FAAH2: variants seen among roughly 807,000 people sequenced by gnomAD.
FAAH2 encodes fatty acid amide hydrolase 2, also known as fatty-acid amide hydrolase 2.
A neutral mutation model predicts 36.9 loss-of-function variants in FAAH2; 60 were observed. The observed-to-expected ratio is 1.63, with a 90% CI of 1.32 to 2.02. FAAH2 has a LOEUF of 2.02. Ranked by LOEUF, FAAH2 falls within the 30% of genes most tolerant of loss-of-function variation. The pLI is 0.00. For synonymous variants in FAAH2, 214 were observed against 143.8 expected (o/e 1.49, Z -3.49); for missense variants, 689 against 397.5 (o/e 1.73, Z -6.23).
intron 1 of FAAH2, among the ~76,000 whole-genome samples, chrX:57,288,591 C>A (rs774967588): frequency 3.7e-5 from 4 of 109,253 alleles, no homozygotes; most frequent in Non-Finnish European, 7.6e-5. Context: ...ACCTCGTGAT[C>A]CACCCACCTC....
the FAAH2 span, among the ~76,000 whole-genome samples, chrX:57,164,669 T>A: frequency 1.8e-5 from 2 of 112,230 alleles, no homozygotes; most frequent in Admixed American, 1.9e-4. Flanking sequence ...AATAAACAAG[T>A]TTGAAAGAGG....
At chrX:57,368,815 A>G (rs751183248) in intron 5 of FAAH2, among the ~76,000 whole-genome samples, 1 of 111,265 alleles carries the variant, frequency 9.0e-6, no homozygotes, top group African/African-American at 3.3e-5. Context: ...GACACATGAA[A>G]AGTCAAGGAA....
chrX:57,353,789 A>G lies in FAAH2; in HGVS notation c.742+12399A>G, dbSNP rs745549930. Reference sequence around the variant, plus strand: ...CATTTCATTCACAACTGGGCAAAGGACATAAACAGACATTTTTCAAATAAA... The same window carrying G: ...CATTTCATTCACAACTGGGCAAAGGGCATAAACAGACATTTTTCAAATAAA... On this transcript the variant is annotated intron_variant, in intron 5 of 10. Coordinates refer to ENST00000374900, the MANE Select transcript of FAAH2 (RefSeq NM_174912.4). Among the ~76,000 whole-genome samples the G allele has an allele frequency of 3.2e-3, 298 of 92,354 alleles. 2 individuals carry two copies. The highest frequency in any genetic ancestry group is 4.9e-3 in the Non-Finnish European group (231 of 46,929). The allele number at this position is 92,354 out of a possible 115,157, so 80.2% of individuals were successfully genotyped here. A position where few individuals can be genotyped will look rare whatever the true frequency, so the allele number is the denominator to read the frequency against.
At chrX:57,475,631 C>T (rs965674134) in intron 10 of FAAH2, among the ~76,000 whole-genome samples, 1 of 111,764 alleles carries the variant, frequency 8.9e-6, no homozygotes, top group Non-Finnish European at 1.9e-5. Flanking sequence ...TAGCATGATT[C>T]CTCCAGCTTT....
intron 7 of FAAH2, among the ~76,000 whole-genome samples, chrX:57,412,379 C>A (rs879045284): frequency 9.0e-6 from 1 of 111,061 alleles, no homozygotes; most frequent in African/African-American, 3.3e-5. Flanking sequence ...CCTAGCACCC[C>A]ACCCTATGAC....
intron 10 of FAAH2, among the ~76,000 whole-genome samples, chrX:57,470,528 C>G (rs141388718): frequency 1.5e-3 from 167 of 111,143 alleles, no homozygotes; most frequent in African/African-American, 4.6e-3. Flanking sequence ...GACACATACA[C>G]CCCCTAAGAC....
At chrX:57,382,558 A>G (rs2054882469) in intron 7 of FAAH2, among the ~76,000 whole-genome samples, 1 of 112,109 alleles carries the variant, frequency 8.9e-6, no homozygotes, top group African/African-American at 3.2e-5. Flanking sequence ...CTCTATGCAA[A>G]TAAACTAGAA....
intron 7 of FAAH2, among the ~76,000 whole-genome samples, chrX:57,383,039 C>T (rs769592984): frequency 1.9e-4 from 21 of 111,557 alleles, no homozygotes; most frequent in East Asian, 1.1e-3. Context: ...AATCAATAAA[C>T]GTAATCCAGC....
the FAAH2 span, among the ~76,000 whole-genome samples, chrX:57,124,265 T>A: frequency 8.9e-6 from 1 of 111,970 alleles, no homozygotes; most frequent in Non-Finnish European, 1.9e-5. Flanking sequence ...TAGGGAATCC[T>A]TTCCCCATTT....
At chrX:57,149,625 G>A in the FAAH2 span, among the ~76,000 whole-genome samples, 6 of 110,868 alleles carry the variant, frequency 5.4e-5, no homozygotes, top group East Asian at 2.8e-4. Flanking sequence ...ATTTTTTATT[G>A]CATCTATTTG....
chrX:57,262,343 A>G, the FAAH2 span, among the ~76,000 whole-genome samples: 18 of 111,873 alleles, frequency 1.6e-4, no homozygotes, highest in African/African-American at 5.8e-4. Flanking sequence ...CTCTGCAAAG[A>G]TAGGGAAGAT....
At chrX:57,359,643 G>A (rs931900890) in intron 5 of FAAH2, among the ~76,000 whole-genome samples, 1 of 111,628 alleles carries the variant, frequency 9.0e-6, no homozygotes, top group Admixed American at 9.5e-5. Context: ...TGTGCATCTG[G>A]TATCATAGAT....
At chrX:57,269,358 C>T in the FAAH2 span, among the ~76,000 whole-genome samples, 5 of 111,224 alleles carry the variant, frequency 4.5e-5, no homozygotes, top group Non-Finnish European at 9.4e-5. Context: ...CTGAACTCAG[C>T]ACTGGACAAT....
the FAAH2 span, among the ~76,000 whole-genome samples, chrX:57,149,330 T>A: frequency 8.9e-6 from 1 of 111,825 alleles, no homozygotes; most frequent in African/African-American, 3.3e-5. Flanking sequence ...TCAGAAGGAA[T>A]GGTACCAGCT....
At chrX:57,385,276 T>TA (rs2054987180) in intron 7 of FAAH2, among the ~76,000 whole-genome samples, 1 of 22,141 alleles carries the variant, frequency 4.5e-5, no homozygotes, top group African/African-American at 7.6e-5. Flanking sequence ...ACTTAAAGTA[T>TA]AATAAAAAAA....
intron 7 of FAAH2, chrX:57,395,241 C>CA: frequency 1.6e-6 from 1 of 623,869 alleles, no homozygotes; most frequent in Non-Finnish European, 2.7e-6. Flanking sequence ...CAGCAGCCTT[C>CA]AGCTTCACAT....
At chrX:57,236,143 G>A in the FAAH2 span, among the ~76,000 whole-genome samples, 27 of 111,776 alleles carry the variant, frequency 2.4e-4, no homozygotes, top group Non-Finnish European at 4.5e-4. Context: ...GTGTCCTTTA[G>A]GTTGATCCCT....
In FAAH2 at chrX:57,380,992, C is replaced by T. The variant is rs778338997; in HGVS notation, c.959C>T (p.Ser320Phe). 5.0e-6 allele frequency: 6 copies of T among 1,188,567 alleles called. No individual in the cohort carries two copies. In the Admixed American group the frequency reaches 1.4e-4, roughly 27 times the overall value. ...MEHDGGSFLMSKVDQDLIMTQ... is the reference protein window; with the variant it reads ...MEHDGGSFLMFKVDQDLIMTQ... ...CATGATGGAGGCTCATTTTTAATGT[C>T]CAAAGTGGACCAAGATCTCATTATG... The change falls in exon 7 of 11, where the codon TCC becomes TTC. Residue 320 changes from serine to phenylalanine, a missense_variant. By Grantham distance (155) the Ser-to-Phe change is radical. Transcript: ENST00000374900.
intron 4 of FAAH2, among the ~76,000 whole-genome samples, chrX:57,338,772 GA>G (rs779558648): frequency 2.3e-4 from 24 of 106,076 alleles, no homozygotes; most frequent in African/African-American, 6.8e-4. Context: ...CAAACAAATG[GA>G]AAAAAAAAAT....
Sources: allele counts gnomAD v4.1 joint callset (sites outside exome capture counted in the v4.1 genomes callset), GRCh38; gene constraint gnomAD v4.1.1; transcripts MANE v1.5; gene names NCBI Gene and HGNC (gene_info 2026-07-23, HGNC 2026-07-21).